The following USH2A variants were observed in gnomAD, a reference collection of about 807,000 sequenced individuals.
USH2A encodes the protein usherin.
USH2A carries 443 observed loss-of-function variants against 538.9 expected under a neutral mutation model. The observed-to-expected ratio is 0.82, with a 90% confidence interval of 0.76 to 0.89. The LOEUF is 0.89. Among genes scored for constraint, USH2A ranks in the 40% least tolerant of loss-of-function variants. USH2A has a pLI of 0.00. For missense variants in USH2A, 6,633 were observed against 6,324.8 expected (o/e 1.05, Z -1.65); for synonymous variants, 2,413 against 2,273.5 (o/e 1.06, Z -1.75).
At chr1:216,146,655 T>C (rs888010375) in intron 21 of USH2A, among the ~76,000 whole-genome samples, 2 of 152,000 alleles carry the variant, frequency 1.3e-5, no homozygotes, top group Admixed American at 1.3e-4. Flanking sequence ...CAATCCCTTA[T>C]TTCCGCACCC....
At chr1:216,374,521 C>T (rs1448622906) in intron 3 of USH2A, among the ~76,000 whole-genome samples, 2 of 152,106 alleles carry the variant, frequency 1.3e-5, no homozygotes, top group Non-Finnish European at 2.9e-5. Context: ...AATATATCTG[C>T]CAGGCTTCCA....
intron 61 of USH2A, among the ~76,000 whole-genome samples, chr1:215,716,397 T>C (rs1178030977): frequency 6.6e-6 from 1 of 152,216 alleles, no homozygotes; most frequent in African/African-American, 2.4e-5. Flanking sequence ...TCAAGCTATC[T>C]GGCATAAAAC....
At chr1:215,638,687 A>G (rs987833395) in intron 69 of USH2A, among the ~76,000 whole-genome samples, 4 of 151,678 alleles carry the variant, frequency 2.6e-5, no homozygotes, top group Non-Finnish European at 5.9e-5. Context: ...GGACTTTTTA[A>G]AAAATTTCTG....
chr1:216,267,586 C>T (rs1400533999), intron 11 of USH2A, among the ~76,000 whole-genome samples: 1 of 152,092 alleles, frequency 6.6e-6, no homozygotes, highest in Non-Finnish European at 1.5e-5. Flanking sequence ...CAGCCTGTCT[C>T]ACCAGGCACC....
intron 3 of USH2A, among the ~76,000 whole-genome samples, chr1:216,370,359 C>CA (rs970778127): frequency 2.1e-5 from 3 of 143,234 alleles, no homozygotes; most frequent in Non-Finnish European, 3.1e-5. Flanking sequence ...AGACTCTATC[C>CA]AAAAAAAGAA....
At chr1:216,118,916 C>T (rs910580795) in intron 21 of USH2A, among the ~76,000 whole-genome samples, 1 of 152,178 alleles carries the variant, frequency 6.6e-6, no homozygotes, top group Non-Finnish European at 1.5e-5. Context: ...AGAGACTAAA[C>T]AAAAATGTCT....
Position 215,878,312 on chromosome 1 carries a change from C to G in USH2A, c.8559-432G>C, listed in dbSNP as rs549339995. Among the ~76,000 whole-genome samples, 5 of 152,274 alleles carry G rather than the reference C, an allele frequency of 3.3e-5. No individual in the cohort carries two copies. In the South Asian group the frequency reaches 1.0e-3, roughly 32 times the overall value. ...AGTTTGGGTGGTTGCAAAACCATTT[C>G]TGAATCACAGCTCTTTTCTTTCATC... On this transcript the variant is annotated intron_variant, in intron 42 of 71. Coordinates refer to ENST00000307340, the MANE Select transcript of USH2A (RefSeq NM_206933.4).
chr1:215,721,915 A>T (rs1010690997), intron 61 of USH2A, among the ~76,000 whole-genome samples: 15 of 152,062 alleles, frequency 9.9e-5, no homozygotes, highest in African/African-American at 3.6e-4. Flanking sequence ...AATTTAAAAA[A>T]TTAGCTGGGC....
Position 215,877,860 on chromosome 1 carries a change from T to C in USH2A, c.8579A>G (p.Lys2860Arg). The C allele has an allele frequency of 6.2e-7, 1 of 1,613,772 alleles. No individual in the cohort carries two copies. Among genetic ancestry groups the C allele is most frequent in the East Asian group, 2.2e-5 (1 of 44,854 alleles). The change falls in exon 43 of 72, where the codon AAA (lysine) becomes AGA (arginine). Residue 2860 changes from lysine (K) to arginine (R), a missense_variant. Lys to Arg is a conservative substitution (Grantham distance 26). Coordinates refer to ENST00000307340, the MANE Select transcript of USH2A (RefSeq NM_206933.4). ...PNLRYELLRR[K>R]IQQPLASNPP... ...ATTTGATGCAAGTGGCTGCTGGATT[T>C]TACGTCTCAGAAGCTCATATCTAAA...
At chr1:215,879,316 A>C (rs78454428) in intron 41 of USH2A, among the ~76,000 whole-genome samples, 1,543 of 152,300 alleles carry the variant, frequency 0.01, 24 homozygotes, top group African/African-American at 0.034. Context: ...TTTGGCTTTC[A>C]GTCTTGCCAC....
At chr1:215,826,435 A>G (rs1663157517) in intron 47 of USH2A, among the ~76,000 whole-genome samples, 2 of 152,228 alleles carry the variant, frequency 1.3e-5, no homozygotes, top group Admixed American at 1.3e-4. Flanking sequence ...CAGTGAAGTA[A>G]TAAAATTGAA....
At chr1:216,176,222 C>A (rs1396251106) in intron 20 of USH2A, among the ~76,000 whole-genome samples, 1 of 151,558 alleles carries the variant, frequency 6.6e-6, no homozygotes, top group Non-Finnish European at 1.5e-5. Flanking sequence ...CAGGGGTAAC[C>A]TTTATTTATT....
Position 215,805,016 on chromosome 1 carries a change from C to T in USH2A, c.9740-5891G>A, listed in dbSNP as rs183099848. On this transcript the variant is annotated intron_variant, in intron 49 of 71. Transcript: ENST00000307340. Reference sequence around the variant, plus strand: ...GGATGAAGCTGGAAACCGTCATTCTCGGCAAACTATCGCAAGGACAAAGAA... The same window carrying T: ...GGATGAAGCTGGAAACCGTCATTCTTGGCAAACTATCGCAAGGACAAAGAA... 6.1e-3 allele frequency among the ~76,000 whole-genome samples: 921 copies of T among 152,106 alleles called. 23 individuals are homozygous for T. Among genetic ancestry groups the T allele is most frequent in the Admixed American group, 0.047 (719 of 15,262 alleles).
chr1:216,106,263 C>T (rs112034074), intron 21 of USH2A, among the ~76,000 whole-genome samples: 3,722 of 146,694 alleles, frequency 0.025, 170 homozygotes, highest in African/African-American at 0.085. Flanking sequence ...GCCTGTTTTA[C>T]GGCCCAGCAT....
At chr1:215,895,773 C>T (rs1271258867) in intron 40 of USH2A, among the ~76,000 whole-genome samples, 1 of 152,184 alleles carries the variant, frequency 6.6e-6, no homozygotes, top group Non-Finnish European at 1.5e-5. Flanking sequence ...GACAGGAATA[C>T]ATTCTGACAG....
chr1:215,799,191 C>T, intron 49 of USH2A, 66 bp from the exon 50 acceptor site: 1 of 1,468,422 alleles, frequency 6.8e-7, no homozygotes, highest in Non-Finnish European at 9.4e-7. Flanking sequence ...TAACAATTAA[C>T]TTTTATCACA....
intron 21 of USH2A, among the ~76,000 whole-genome samples, chr1:216,122,153 T>C (rs566738240): frequency 2.4e-4 from 37 of 152,186 alleles, no homozygotes; most frequent in African/African-American, 8.7e-4. Context: ...GAATAGCACA[T>C]CAGATCTGTT....
chr1:215,800,627 A>T (rs1337959129), intron 49 of USH2A, among the ~76,000 whole-genome samples: 1 of 152,178 alleles, frequency 6.6e-6, no homozygotes, highest in Non-Finnish European at 1.5e-5. Flanking sequence ...TAAAAGCAAG[A>T]TGTACTGTTT....
intron 43 of USH2A, among the ~76,000 whole-genome samples, chr1:215,876,603 C>T (rs79747716): frequency 0.013 from 2,034 of 152,238 alleles, 52 homozygotes; most frequent in African/African-American, 0.046. Flanking sequence ...GATAATATAA[C>T]GTGGTGTTTA....
Sources: allele counts gnomAD v4.1 joint callset (sites outside exome capture counted in the v4.1 genomes callset), GRCh38; gene constraint gnomAD v4.1.1; transcripts MANE v1.5; gene names NCBI Gene and HGNC (gene_info 2026-07-23, HGNC 2026-07-21).